The following FXYD4 variants were observed in gnomAD, a reference collection of about 807,000 sequenced individuals.
FXYD4 encodes FXYD domain containing ion transport regulator 4.
Under a neutral mutation model 18.3 loss-of-function variants are expected in FXYD4, and 14 were observed. The observed-to-expected ratio is 0.77, with a 90% confidence interval of 0.51 to 1.20. The LOEUF (loss-of-function observed/expected upper bound fraction) is 1.20. Ranked by LOEUF, FXYD4 falls within the 50% of genes most tolerant of loss-of-function variation. The probability of loss-of-function intolerance (pLI) is 0.00; values close to 1 mark genes in which losing one functional copy is unlikely to be tolerated. For missense variants in FXYD4, 99 were observed against 106.1 expected, an observed-to-expected ratio of 0.93 and a Z score of 0.29; for synonymous variants, 40 against 40.5, an observed-to-expected ratio of 0.99 and a Z score of 0.04.
rs757764815 is a variant in FXYD4 at position 43,374,644 on chromosome 10, GA to G, written c.97+6del. On this transcript the variant is annotated splice_donor_region_variant and intron_variant, in intron 5 of 8. Transcript: ENST00000476166. Reference sequence around the variant, plus strand: ...AAGACGATCCCTTCTACTATGGTAAGAGCTGATATTCCCACCCCCACCCTAC... The same window carrying G: ...AAGACGATCCCTTCTACTATGGTAAGGCTGATATTCCCACCCCCACCCTAC... 1 of 1,611,274 alleles carries G rather than the reference GA, an allele frequency of 6.2e-7. No homozygotes were observed. Among genetic ancestry groups the G allele is most frequent in the Middle Eastern group, 1.7e-4 (1 of 6,058 alleles).
intron 4 of FXYD4, 34 bp downstream of exon 4, chr10:43,374,536 G>GCCCACATCTCCCCTCTGACA (rs1433079523): frequency 6.2e-6 from 10 of 1,613,262 alleles, no homozygotes; most frequent in South Asian, 5.5e-5. Context: ...TGCCCACTCT[G>GCCCACATCTCCCCTCTGACA]CCCACATCTC....
chr10:43,373,342 ATT>A (rs199917026), intron 2 of FXYD4, 171 bp from the exon 3 acceptor site: 12 of 176,156 alleles, frequency 6.8e-5, no homozygotes, highest in East Asian at 4.2e-4. Flanking sequence ...TCTAAGCTCC[ATT>A]TTTTTTTTTC....
chr10:43,375,763 C>A (rs2131949092), intron 7 of FXYD4, 29 bp downstream of exon 7: 1 of 1,611,224 alleles, frequency 6.2e-7, no homozygotes, highest in East Asian at 2.2e-5. Flanking sequence ...TGCCCTCCTC[C>A]TTCGGGGCAG....
In FXYD4 at chr10:43,376,327, C is replaced by A; in HGVS notation, c.*161C>A. 1.4e-6 allele frequency: 1 copy of A among 703,390 alleles called. No homozygotes were observed. The highest frequency in any genetic ancestry group is 1.6e-5 in the South Asian group (1 of 60,838). The allele number at this position is 703,390 out of a possible 1,614,324, so 43.6% of individuals were successfully genotyped here. On this transcript the variant is annotated 3_prime_UTR_variant, in exon 9 of 9. Transcript: ENST00000476166. ...TCTTTATGAATTAAACTCGCCCCACCACCCCCTCCTCGGTAGTCTTGTGAT... is the reference window on the plus strand; with the variant it reads ...TCTTTATGAATTAAACTCGCCCCACAACCCCCTCCTCGGTAGTCTTGTGAT...
chr10:43,375,994 G>A, intron 7 of FXYD4, 38 bp from the exon 8 acceptor site: 1 of 1,611,150 alleles, frequency 6.2e-7, no homozygotes, highest in Non-Finnish European at 8.5e-7. Context: ...GGTCCTCCAG[G>A]CTAACCTGAT....
rs1837843748 is a variant in FXYD4 at position 43,374,464 on chromosome 10, A to G, written c.38-6A>G. On this transcript the variant is annotated splice_polypyrimidine_tract_variant and splice_region_variant and intron_variant, in intron 3 of 8. Transcript: ENST00000476166. ...CCCACACATTTTCTCTGCTCCTCCC[A>G]CACAGGCCTGACTGCCTTGGAAGCC... The G allele has an allele frequency of 3.1e-6, 5 of 1,613,882 alleles. No homozygotes were observed. The highest frequency in any genetic ancestry group is 3.4e-6 in the Non-Finnish European group (4 of 1,179,840).
rs192870663 is a variant in FXYD4 at position 43,376,142 on chromosome 10, C to T, written c.251-5C>T. 5.5e-5 allele frequency: 88 copies of T among 1,613,942 alleles called. No individual in the cohort carries two copies. The African/African-American group carries it at 1.0e-3, about 19-fold the overall frequency. The stretch of plus-strand genomic sequence containing the variant: ...GTCTGATGGCCTGCCCGCCACTCTC[C>T]GCAGGCTCTGCCACTACTTGCTGAG... On this transcript the variant is annotated splice_polypyrimidine_tract_variant and splice_region_variant and intron_variant, in intron 8 of 8. Transcript: ENST00000476166.
chr10:43,376,105 T>C (rs1265030487), intron 8 of FXYD4, 36 bp downstream of exon 8: 2 of 1,613,838 alleles, frequency 1.2e-6, no homozygotes, highest in Non-Finnish European at 1.7e-6. Flanking sequence ...GGGGTGTCTG[T>C]GTAAGGACTG....
intron 5 of FXYD4, among the ~76,000 whole-genome samples, chr10:43,375,133 TCTC>T (rs1414326791): frequency 6.6e-6 from 1 of 150,684 alleles, no homozygotes; most frequent in East Asian, 2.0e-4. Context: ...TTCAAGCAAT[TCTC>T]CTGTCTCAGC....
Position 43,375,679 on chromosome 10 carries a change from C to T in FXYD4, c.173-16C>T. The T allele has an allele frequency of 1.9e-6, 3 of 1,612,414 alleles. No individual in the cohort carries two copies. The highest frequency in any genetic ancestry group is 2.5e-6 in the Non-Finnish European group (3 of 1,178,494). Reference sequence around the variant, plus strand: ...TCCAGCACTGACCCTGGCGCTGACCCCTCTCTCTCTCCCAGGTGGCAAATG... The same window carrying T: ...TCCAGCACTGACCCTGGCGCTGACCTCTCTCTCTCTCCCAGGTGGCAAATG... On this transcript the variant is annotated splice_polypyrimidine_tract_variant and intron_variant, in intron 6 of 8. Transcript: ENST00000476166.
Position 43,374,502 on chromosome 10 carries a change from G to C in FXYD4, c.70G>C (p.Ala24Pro), listed in dbSNP as rs150923275. 2.5e-6 allele frequency: 4 copies of C among 1,613,970 alleles called. No homozygotes were observed. The highest frequency in any genetic ancestry group is 3.4e-6 in the Non-Finnish European group (4 of 1,179,976). ...TGCCTTGGAAGCCAATGACCCATTT[G>C]GTGAGTGAGGCCCCCAAACAGCCTG... ...LTALEANDPF[A>P]NKDDPFYYDW... The change falls in exon 4 of 9, where the codon GCC becomes CCC. Residue 24 changes from alanine (A) to proline (P), a missense_variant and splice_region_variant. Coordinates refer to ENST00000476166, the MANE Select transcript of FXYD4 (RefSeq NM_173160.3).
In FXYD4 at chr10:43,373,732, C is replaced by G. The variant is rs756102997; in HGVS notation, c.-15C>G. The G allele has an allele frequency of 1.3e-6, 2 of 1,589,614 alleles. No homozygotes were observed. The highest frequency in any genetic ancestry group is 2.2e-5 in the East Asian group (1 of 44,756). On this transcript the variant is annotated 5_prime_UTR_variant, in exon 3 of 9. Coordinates refer to ENST00000476166, the MANE Select transcript of FXYD4 (RefSeq NM_173160.3). ...AGTGCCTCTCCCCCTGCAGCCCTGC[C>G]CCTCGAACTGTGACATGGAGAGAGT... is the stretch of plus-strand genomic sequence containing the variant.
At chr10:43,375,669 G>C in intron 6 of FXYD4, 26 bp from the exon 7 acceptor site, 2 of 1,613,842 alleles carry the variant, frequency 1.2e-6, no homozygotes, top group Non-Finnish European at 1.7e-6. Flanking sequence ...CACTGACCCT[G>C]GCGCTGACCC....
chr10:43,372,058 AT>A (rs1488325478), intron 1 of FXYD4, among the ~76,000 whole-genome samples: 8 of 141,346 alleles, frequency 5.7e-5, no homozygotes, highest in Middle Eastern at 3.5e-3. Context: ...AAAAAAAAAA[AT>A]AGTAATAATA....
rs756640949 is a variant in FXYD4, at chr10:43,374,602, A to G, written c.71-11A>G. ...TCTGGTTCTGAAGTCTTTTTGCCCC[A>G]CTTTTTCTAGCCAATAAAGACGATC... On this transcript the variant is annotated splice_polypyrimidine_tract_variant and intron_variant, in intron 4 of 8. Coordinates refer to ENST00000476166, the MANE Select transcript of FXYD4 (RefSeq NM_173160.3). The G allele has an allele frequency of 1.2e-6, 2 of 1,613,460 alleles. No individual in the cohort carries two copies. Among genetic ancestry groups the G allele is most frequent in the Non-Finnish European group, 1.7e-6 (2 of 1,179,658 alleles).
Position 43,376,255 on chromosome 10 carries a change from C to A in FXYD4, c.*89C>A, listed in dbSNP as rs556798020. 7.0e-4 allele frequency: 1,012 copies of A among 1,445,642 alleles called. 6 individuals are homozygous for A. The highest frequency in any genetic ancestry group is 1.9e-3 in the South Asian group (170 of 87,360). 89.6% of individuals were successfully genotyped at this position (1,445,642 alleles called of 1,614,324 possible). Reference sequence around the variant, plus strand: ...GGGAGGCCTTATCCTCAAGGAAGGACTTCTCTCCAAGGGCAGGCTGTTAGG... The same window carrying A: ...GGGAGGCCTTATCCTCAAGGAAGGAATTCTCTCCAAGGGCAGGCTGTTAGG... On this transcript the variant is annotated 3_prime_UTR_variant, in exon 9 of 9. Coordinates refer to ENST00000476166, the MANE Select transcript of FXYD4 (RefSeq NM_173160.3).
intron 2 of FXYD4, 104 bp downstream of exon 2, chr10:43,372,876 A>G (rs1280552257): frequency 3.3e-5 from 5 of 152,210 alleles, no homozygotes; most frequent in Non-Finnish European, 7.3e-5. Flanking sequence ...TGGCTTCAGT[A>G]TTGAAAACTT....
intron 6 of FXYD4, 58 bp downstream of exon 6, chr10:43,375,631 G>A (rs1051927173): frequency 6.2e-6 from 10 of 1,606,808 alleles, no homozygotes; most frequent in Non-Finnish European, 6.8e-6. Flanking sequence ...ACAGGGTGGG[G>A]CAGAAAGAGA....
chr10:43,372,734 G>A lies in FXYD4; in HGVS notation c.-271G>A, dbSNP rs1408584303. ...ATGATCCTCCTTTTACAGGACACTG[G>A]TGAAGGAGCAGTGAGGAACCTGCAG... On this transcript the variant is annotated 5_prime_UTR_variant, in exon 2 of 9. The change creates a new upstream start codon in the 5' untranslated region. Coordinates refer to ENST00000476166, the MANE Select transcript of FXYD4 (RefSeq NM_173160.3). 6.6e-6 allele frequency: 1 copy of A among 152,196 alleles called. No homozygotes were observed. Among genetic ancestry groups the A allele is most frequent in the Non-Finnish European group, 1.5e-5 (1 of 68,040 alleles). 9.4% of individuals were successfully genotyped at this position (152,196 alleles called of 1,614,324 possible).
Sources: gnomAD v4.1 joint callset for allele counts (sites outside exome capture counted in the v4.1 genomes callset) on GRCh38, gnomAD v4.1.1 for gene constraint, MANE v1.5 for transcripts, NCBI Gene and HGNC (gene_info 2026-07-23, HGNC 2026-07-21) for gene names.